Variants in CHN2 observed in about 807,000 individuals in gnomAD.
CHN2 encodes beta-chimaerin.
Under a neutral mutation model 56.3 loss-of-function variants are expected in CHN2, and 35 were observed. The ratio of observed to expected loss-of-function variants is 0.62; its 90% CI spans 0.47 to 0.82. The LOEUF (loss-of-function observed/expected upper bound fraction) is 0.82. Among genes scored for constraint, CHN2 ranks in the 40% least tolerant of loss-of-function variants. The pLI is 0.00. For synonymous variants in CHN2, 210 were observed against 212.8 expected (o/e 0.99, Z 0.12); for missense variants, 491 against 580.5 (o/e 0.85, Z 1.58).
chr7:29,455,804 G>A (rs376510331), intron 6 of CHN2, among the ~76,000 whole-genome samples: 29 of 152,248 alleles, frequency 1.9e-4, no homozygotes, highest in East Asian at 1.5e-3. Flanking sequence ...CCCCCAGCCC[G>A]CGTGGGAACC....
intron 6 of CHN2, among the ~76,000 whole-genome samples, chr7:29,452,813 G>A (rs1448747966): frequency 2.6e-5 from 4 of 152,234 alleles, no homozygotes; most frequent in Non-Finnish European, 4.4e-5. Context: ...ATTCTGTCCC[G>A]GAGAGCAAGA....
intron 1 of CHN2, among the ~76,000 whole-genome samples, chr7:29,253,864 A>G (rs775967662): frequency 4.3e-4 from 65 of 152,320 alleles, no homozygotes; most frequent in African/African-American, 1.0e-3. Flanking sequence ...TAAAGTGTCA[A>G]TTATACTGTT....
chr7:29,370,595 A>G (rs962505984), intron 3 of CHN2, among the ~76,000 whole-genome samples: 9 of 152,012 alleles, frequency 5.9e-5, no homozygotes, highest in African/African-American at 2.2e-4. Flanking sequence ...TAGCTCCAGT[A>G]TACTCAATCT....
intron 1 of CHN2, among the ~76,000 whole-genome samples, chr7:29,332,504 G>A (rs544177009): frequency 1.3e-5 from 2 of 152,268 alleles, no homozygotes; most frequent in Admixed American, 6.5e-5. Context: ...TCCCGGGCTG[G>A]TGATACGGCC....
At chr7:29,240,878 CCTTCTTCCTT>C (rs1271425302) in intron 1 of CHN2, among the ~76,000 whole-genome samples, 1 of 151,278 alleles carries the variant, frequency 6.6e-6, no homozygotes, top group Admixed American at 6.6e-5. Flanking sequence ...CTTCCTTCTT[CCTTCTTCCTT>C]CTTCTTCCTT....
At chr7:29,478,794 A>G (rs1022632331) in intron 6 of CHN2, among the ~76,000 whole-genome samples, 2 of 152,184 alleles carry the variant, frequency 1.3e-5, no homozygotes, top group Non-Finnish European at 2.9e-5. Flanking sequence ...AGCGTAAATT[A>G]TTGTGCTCAA....
chr7:29,491,309 A>G (rs534386155), intron 7 of CHN2, among the ~76,000 whole-genome samples: 1 of 151,964 alleles, frequency 6.6e-6, no homozygotes, highest in South Asian at 2.1e-4. Flanking sequence ...TTGTATAAGG[A>G]TTTTTTCTAC....
At chr7:29,265,103 A>C (rs1034465387) in intron 1 of CHN2, among the ~76,000 whole-genome samples, 1 of 152,112 alleles carries the variant, frequency 6.6e-6, no homozygotes, top group African/African-American at 2.4e-5. Context: ...ACTTTGAAGG[A>C]ATAGGGACGG....
chr7:29,412,789 T>C (rs1362968081), intron 6 of CHN2, among the ~76,000 whole-genome samples: 1 of 148,686 alleles, frequency 6.7e-6, no homozygotes, highest in Non-Finnish European at 1.5e-5. Flanking sequence ...AGATCATTGG[T>C]ACAACAGATG....
In CHN2 at chr7:29,264,156, T is replaced by TG. The variant is rs758798186; in HGVS notation, c.49+69172dup. Among the ~76,000 whole-genome samples the TG allele has an allele frequency of 2.3e-3, 313 of 139,092 alleles. 1 individual carries two copies. Among genetic ancestry groups the TG allele is most frequent in the Non-Finnish European group, 3.9e-3 (251 of 64,852 alleles). 91.2% of individuals were successfully genotyped at this position (139,092 alleles called of 152,430 possible). A position where few individuals can be genotyped will look rare whatever the true frequency, so the allele number is the denominator to read the frequency against. On this transcript the variant is annotated intron_variant, in intron 1 of 12. Transcript: ENST00000222792. ...CCCGGCCGCCACCCCGTCTGGGAGG[T>TG]GGGGGGCCCCCTCTGCCTGGCCGCC...
At chr7:29,264,695 G>T (rs1468612631) in intron 1 of CHN2, among the ~76,000 whole-genome samples, 2 of 152,056 alleles carry the variant, frequency 1.3e-5, no homozygotes, top group African/African-American at 2.4e-5. Context: ...AGGGCCCTCT[G>T]CCTGGGAAAA....
chr7:29,353,618 C>T lies in CHN2; in HGVS notation c.50-1007C>T, dbSNP rs537377491. 1.3e-4 allele frequency among the ~76,000 whole-genome samples: 20 copies of T among 152,066 alleles called. No homozygotes were observed. The South Asian group carries it at 1.7e-3, about 13-fold the overall frequency. On this transcript the variant is annotated intron_variant, in intron 1 of 12. Coordinates refer to ENST00000222792, the MANE Select transcript of CHN2 (RefSeq NM_004067.4). ...GCAGTGAGCAGCCTGGGTAACAGAA[C>T]GAGACTCTGTCTCAAAAAAAAAGAA...
Position 29,442,940 on chromosome 7 carries a change from T to TTTTTTC in CHN2, c.577-37334_577-37333insCTTTTT, listed in dbSNP as rs1417141347. 6.4e-5 allele frequency among the ~76,000 whole-genome samples: 8 copies of TTTTTTC among 124,396 alleles called. 1 individual carries two copies. In the East Asian group the frequency reaches 1.9e-3, roughly 30 times the overall value. 81.6% of individuals were successfully genotyped at this position (124,396 alleles called of 152,430 possible). A position where few individuals can be genotyped will look rare whatever the true frequency, so the allele number is the denominator to read the frequency against. On this transcript the variant is annotated intron_variant, in intron 6 of 12. Transcript: ENST00000222792. The stretch of plus-strand genomic sequence containing the variant: ...TTTCAATTTCATTGAATTTCTTTTT[T>TTTTTTC]TTTTTTTTTTTGAGACGGAGTCTCG...
chr7:29,493,424 C>A (rs1009115454), intron 7 of CHN2, among the ~76,000 whole-genome samples: 9 of 152,240 alleles, frequency 5.9e-5, no homozygotes, highest in African/African-American at 1.9e-4. Context: ...TTTTAAATAT[C>A]ATCTATTCAT....
At chr7:29,160,049 T>C (rs1794966779) in intron 2 of CHN2, among the ~76,000 whole-genome samples, 1 of 152,216 alleles carries the variant, frequency 6.6e-6, no homozygotes, top group Admixed American at 6.5e-5. Flanking sequence ...TCTTCATTAT[T>C]ATCTTGCCTC....
intron 1 of CHN2, among the ~76,000 whole-genome samples, chr7:29,279,254 C>T (rs975726348): frequency 5.3e-5 from 8 of 152,206 alleles, no homozygotes; most frequent in African/African-American, 1.9e-4. Flanking sequence ...GAATTATGCT[C>T]CAACCCCCGA....
intron 2 of CHN2, among the ~76,000 whole-genome samples, chr7:29,365,370 C>G (rs890784371): frequency 3.0e-4 from 46 of 152,286 alleles, no homozygotes; most frequent in African/African-American, 1.1e-3. Flanking sequence ...GCAGGACTTA[C>G]AACATGCAGG....
intron 5 of CHN2, among the ~76,000 whole-genome samples, chr7:29,399,031 C>T (rs1383239419): frequency 6.6e-6 from 1 of 152,150 alleles, no homozygotes; most frequent in Non-Finnish European, 1.5e-5. Context: ...AAACAATTAC[C>T]CCTCCCTACT....
chr7:29,278,586 G>A (rs181787241), intron 1 of CHN2, among the ~76,000 whole-genome samples: 102 of 152,266 alleles, frequency 6.7e-4, no homozygotes, highest in Non-Finnish European at 1.4e-3. Flanking sequence ...GCTTCTCTAG[G>A]GCTGGTATCT....
Sources: gnomAD v4.1 joint callset for allele counts (sites outside exome capture counted in the v4.1 genomes callset) on GRCh38, gnomAD v4.1.1 for gene constraint, MANE v1.5 for transcripts, NCBI Gene and HGNC (gene_info 2026-07-23, HGNC 2026-07-21) for gene names.